Variants in BRINP3 observed in about 807,000 individuals in gnomAD.
BRINP3 encodes the protein BMP/retinoic acid-inducible neural-specific protein 3.
Under a neutral mutation model 71.0 loss-of-function variants are expected in BRINP3, and 19 were observed. That is an observed-to-expected ratio of 0.27 (90% CI 0.19 to 0.39). The LOEUF (loss-of-function observed/expected upper bound fraction) is 0.39. BRINP3 is among the 10% of genes least tolerant of loss of function. BRINP3 has a pLI of 1.00. For missense variants in BRINP3, 959 were observed against 940.8 expected (o/e 1.02, Z -0.25); for synonymous variants, 380 against 337.7 (o/e 1.13, Z -1.37).
intron 6 of BRINP3, among the ~76,000 whole-genome samples, chr1:190,191,583 T>C (rs1368751291): frequency 2.6e-5 from 4 of 152,128 alleles, no homozygotes; most frequent in Non-Finnish European, 2.9e-5. Context: ...AAGGACATGA[T>C]CTCATTCCTT....
Position 190,281,006 on chromosome 1 carries a change from T to G in BRINP3, c.427+554A>C, listed in dbSNP as rs1191885673. Among the ~76,000 whole-genome samples the G allele has an allele frequency of 2.0e-5, 3 of 151,902 alleles. No homozygotes were observed. In the East Asian group the frequency reaches 5.8e-4, roughly 29 times the overall value. On this transcript the variant is annotated intron_variant, in intron 3 of 7. Coordinates refer to ENST00000367462, the MANE Select transcript of BRINP3 (RefSeq NM_199051.3). ...GTATTTAACAATATCACACAATAGCTTCCTTAATTTTTACAAATGTATACA... is the reference window on the plus strand; with the variant it reads ...GTATTTAACAATATCACACAATAGCGTCCTTAATTTTTACAAATGTATACA...
Position 190,424,462 on chromosome 1 carries a change from C to T in BRINP3, c.236+30193G>A, listed in dbSNP as rs536454522. Among the ~76,000 whole-genome samples the T allele has an allele frequency of 3.3e-5, 5 of 151,548 alleles. No homozygotes were observed. In the East Asian group the frequency reaches 5.8e-4, roughly 18 times the overall value. ...AAATACAGTGAGGAAAAGTGGAGAACGAACATTGTTAGTAAGATACTGTCA... is the reference window on the plus strand; with the variant it reads ...AAATACAGTGAGGAAAAGTGGAGAATGAACATTGTTAGTAAGATACTGTCA... On this transcript the variant is annotated intron_variant, in intron 2 of 7. Coordinates refer to ENST00000367462, the MANE Select transcript of BRINP3 (RefSeq NM_199051.3).
chr1:190,101,372 CA>C (rs1651685202), intron 7 of BRINP3, among the ~76,000 whole-genome samples: 1 of 152,044 alleles, frequency 6.6e-6, no homozygotes, highest in Non-Finnish European at 1.5e-5. Flanking sequence ...GTTTTCTCAC[CA>C]CAGAATATAT....
chr1:190,239,452 G>A (rs1658842125), intron 4 of BRINP3, among the ~76,000 whole-genome samples: 1 of 151,934 alleles, frequency 6.6e-6, no homozygotes, highest in Admixed American at 6.6e-5. Context: ...TCAAAATTAG[G>A]TAAAATAAAC....
At chr1:190,211,140 G>C (rs1002265658) in intron 6 of BRINP3, among the ~76,000 whole-genome samples, 1 of 151,904 alleles carries the variant, frequency 6.6e-6, no homozygotes, top group Admixed American at 6.6e-5. Context: ...GCCTATTGTG[G>C]GACTTTACCT....
intron 7 of BRINP3, among the ~76,000 whole-genome samples, chr1:190,102,717 T>G (rs1228637187): frequency 1.3e-5 from 2 of 152,076 alleles, no homozygotes; most frequent in African/African-American, 4.8e-5. Flanking sequence ...GAAACTAGAA[T>G]GCAAACTTTA....
intron 4 of BRINP3, among the ~76,000 whole-genome samples, chr1:190,244,157 G>A (rs865800533): frequency 2.6e-5 from 4 of 151,976 alleles, no homozygotes; most frequent in African/African-American, 4.8e-5. Flanking sequence ...CACTAAGTTC[G>A]TGGAAACAAT....
intron 4 of BRINP3, among the ~76,000 whole-genome samples, chr1:190,252,670 C>G (rs913144358): frequency 6.6e-6 from 1 of 152,044 alleles, no homozygotes; most frequent in Non-Finnish European, 1.5e-5. Flanking sequence ...TATTGAGCTC[C>G]TATCTTATAC....
At chr1:190,193,627 C>T (rs887267835) in intron 6 of BRINP3, among the ~76,000 whole-genome samples, 1 of 152,040 alleles carries the variant, frequency 6.6e-6, no homozygotes, top group Non-Finnish European at 1.5e-5. Flanking sequence ...AAGCCTTACT[C>T]TTCCCCTCAG....
At chr1:190,285,778 C>G (rs1663378086) in intron 2 of BRINP3, among the ~76,000 whole-genome samples, 1 of 151,438 alleles carries the variant, frequency 6.6e-6, no homozygotes, top group South Asian at 2.1e-4. Context: ...ACAACTAGAT[C>G]ATGCATTCAT....
At chr1:190,408,212 T>A (rs1171025) in intron 2 of BRINP3, among the ~76,000 whole-genome samples, 80,427 of 149,378 alleles carry the variant, frequency 0.54, 22,923 homozygotes, top group Non-Finnish European at 0.63. Flanking sequence ...TATTTTTTTT[T>A]TTTTTGTATT....
At chr1:190,366,971 G>A (rs939023584) in intron 2 of BRINP3, among the ~76,000 whole-genome samples, 1 of 152,140 alleles carries the variant, frequency 6.6e-6, no homozygotes, top group Admixed American at 6.5e-5. Flanking sequence ...TTGAGTGTAT[G>A]TGGCCTTTCT....
chr1:190,381,514 T>C (rs1180869392), intron 2 of BRINP3, among the ~76,000 whole-genome samples: 1 of 152,172 alleles, frequency 6.6e-6, no homozygotes, highest in Admixed American at 6.6e-5. Context: ...TTGTGTCTTG[T>C]TTCCATTTTC....
chr1:190,467,878 ATC>A (rs1398387215), intron 1 of BRINP3, among the ~76,000 whole-genome samples: 2 of 151,594 alleles, frequency 1.3e-5, no homozygotes, highest in African/African-American at 4.8e-5. Context: ...ATAAAAAAGA[ATC>A]ACTCAAATTT....
At chr1:190,231,859 T>A (rs1405350228) in intron 5 of BRINP3, among the ~76,000 whole-genome samples, 3 of 151,928 alleles carry the variant, frequency 2.0e-5, no homozygotes, top group African/African-American at 7.2e-5. Flanking sequence ...GAATTAGTTG[T>A]CTAATCCAGT....
intron 6 of BRINP3, among the ~76,000 whole-genome samples, chr1:190,206,387 G>C (rs1655501703): frequency 6.6e-6 from 1 of 151,890 alleles, no homozygotes. Context: ...AATACATTGA[G>C]GATCTGCAAA....
intron 2 of BRINP3, among the ~76,000 whole-genome samples, chr1:190,308,696 A>G (rs1665304390): frequency 6.6e-6 from 1 of 152,028 alleles, no homozygotes; most frequent in Non-Finnish European, 1.5e-5. Flanking sequence ...AACAATAGAC[A>G]TATAATTAAG....
At chr1:190,101,046 T>G (rs1262254148) in intron 7 of BRINP3, among the ~76,000 whole-genome samples, 6 of 152,128 alleles carry the variant, frequency 3.9e-5, no homozygotes, top group African/African-American at 1.2e-4. Flanking sequence ...TCTTCCACCA[T>G]GAGATGATGC....
chr1:190,129,567 T>C (rs891818291), intron 7 of BRINP3, among the ~76,000 whole-genome samples: 3 of 151,908 alleles, frequency 2.0e-5, no homozygotes, highest in Non-Finnish European at 4.4e-5. Context: ...AGCCAATCTG[T>C]GTTTAGAGCA....
Sources: allele counts gnomAD v4.1 joint callset (sites outside exome capture counted in the v4.1 genomes callset), GRCh38; gene constraint gnomAD v4.1.1; transcripts MANE v1.5; gene names NCBI Gene and HGNC (gene_info 2026-07-23, HGNC 2026-07-21).